Variants in MYBBP1A observed in about 807,000 individuals in gnomAD.
MYBBP1A encodes MYB binding protein 1a, also known as myb-binding protein 1A.
A neutral mutation model predicts 136.3 loss-of-function variants in MYBBP1A; 147 were observed. The observed-to-expected ratio is 1.08, with a 90% CI of 0.94 to 1.24. The LOEUF (loss-of-function observed/expected upper bound fraction) is 1.24, where lower values mean the gene tolerates loss of function less well. Ranked by LOEUF, MYBBP1A falls within the 50% of genes most tolerant of loss-of-function variation. The pLI is 0.00. For missense variants in MYBBP1A, 2,060 were observed against 1,727.4 expected, an observed-to-expected ratio of 1.19 and a Z score of -3.41; for synonymous variants, 947 against 735.8, an observed-to-expected ratio of 1.29 and a Z score of -4.65.
chr17:4,542,941 T>C lies in MYBBP1A; in HGVS notation c.2864A>G (p.Asp955Gly), dbSNP rs751656688. 3.7e-6 allele frequency: 6 copies of C among 1,613,644 alleles called. No individual in the cohort carries two copies. The highest frequency in any genetic ancestry group is 5.1e-6 in the Non-Finnish European group (6 of 1,179,952). ...ETQEKQKAGTDPSHMPTGPQA... is the reference protein window; with the variant it reads ...ETQEKQKAGTGPSHMPTGPQA... Reference sequence around the variant, plus strand: ...CGGGCCCGTGGGCATGTGGCTGGGGTCAGTGCCAGCTTTCTGCTTCTCCTG... The same window carrying C: ...CGGGCCCGTGGGCATGTGGCTGGGGCCAGTGCCAGCTTTCTGCTTCTCCTG... The change falls in exon 20 of 26, where the codon GAC (aspartate) becomes GGC (glycine). Residue 955 changes from aspartate (D) to glycine (G), a missense_variant. Physicochemically the swap from Asp to Gly is moderately conservative, Grantham distance 94 (BLOSUM62 -1). Transcript: ENST00000254718.
At chr17:4,549,293 C>A (rs778677039) in intron 10 of MYBBP1A, 39 bp downstream of exon 10, 1 of 1,588,264 alleles carries the variant, frequency 6.3e-7, no homozygotes, top group South Asian at 1.1e-5. Flanking sequence ...TCCTTGGCCA[C>A]ACGCCCATGG....
In MYBBP1A at chr17:4,550,150, C is replaced by T; in HGVS notation, c.1227G>A (p.Trp409Ter). ...CTGGCTGGAGAAACATGGCCCGCAG[C>T]CAGGCCACATAGCCCTGCAGGGCCG... ...SPPALQGYVA[W>*]LRAMFLQPDL... is the part of the protein sequence containing the mutation. The change falls in exon 9 of 26, where the codon TGG (tryptophan) becomes TGA (stop). Residue 409 changes from tryptophan (W) to a stop codon, truncating the protein, a stop_gained. Transcript: ENST00000254718. LOFTEE classifies it high-confidence loss of function. 6.2e-7 allele frequency: 1 copy of T among 1,613,970 alleles called. No individual in the cohort carries two copies. The highest frequency in any genetic ancestry group is 8.5e-7 in the Non-Finnish European group (1 of 1,180,036).
At chr17:4,551,769 G>A (rs1907525002) in intron 8 of MYBBP1A, 111 bp downstream of exon 8, 1 of 908,242 alleles carries the variant, frequency 1.1e-6, no homozygotes, top group Admixed American at 2.0e-5. Context: ...CAGACGGAGG[G>A]GACACCCATA....
intron 19 of MYBBP1A, among the ~76,000 whole-genome samples, chr17:4,543,951 C>CTGCGAGGG (rs1235774767): frequency 1.3e-5 from 2 of 152,184 alleles, no homozygotes; most frequent in Non-Finnish European, 2.9e-5. Context: ...GGGTCAGGGC[C>CTGCGAGGG]TGCGAGGGTG....
rs1184381625 is a variant in MYBBP1A, at chr17:4,549,837, G to C, written c.1319+221C>G. 3.4e-5 allele frequency among the ~76,000 whole-genome samples: 5 copies of C among 147,134 alleles called. No homozygotes were observed. The South Asian group carries it at 8.5e-4, about 25-fold the overall frequency. ...ACCAGCAAAAACAGGACATTCCTTT[G>C]CCTGATCTCAGAGACAACACTCCAA... On this transcript the variant is annotated intron_variant, in intron 9 of 25. Coordinates refer to ENST00000254718, the MANE Select transcript of MYBBP1A (RefSeq NM_014520.4).
At chr17:4,543,766 G>A (rs187376420) in intron 19 of MYBBP1A, among the ~76,000 whole-genome samples, 147 of 152,184 alleles carry the variant, frequency 9.7e-4, no homozygotes, top group African/African-American at 3.3e-3. Flanking sequence ...CCAGGTGCCT[G>A]CCTGTCTCTC....
intron 25 of MYBBP1A, among the ~76,000 whole-genome samples, 166 bp from the exon 26 acceptor site, chr17:4,540,133 T>TATGA (rs1216784994): frequency 1.2e-3 from 180 of 147,472 alleles, no homozygotes; most frequent in Admixed American, 2.1e-3. Flanking sequence ...GCGAGGCCCC[T>TATGA]GGGTCCTGCG....
chr17:4,543,530 G>A (rs1181137923), intron 19 of MYBBP1A, among the ~76,000 whole-genome samples: 3 of 152,182 alleles, frequency 2.0e-5, no homozygotes, highest in African/African-American at 7.2e-5. Context: ...AACCCTCTGT[G>A]GCCCTGCAGG....
chr17:4,549,943 G>T (rs570635900), intron 9 of MYBBP1A, 115 bp downstream of exon 9: 7 of 1,154,544 alleles, frequency 6.1e-6, no homozygotes, highest in Non-Finnish European at 1.2e-6. Context: ...CTTCCCCCTC[G>T]CTCCTCTCAT....
chr17:4,540,597 TCCTGGG>T, intron 24 of MYBBP1A, 113 bp from the exon 25 acceptor site: 1 of 1,275,652 alleles, frequency 7.8e-7, no homozygotes, highest in Non-Finnish European at 1.0e-6. Context: ...CCCTGCCCCT[TCCTGGG>T]CCTCAGCCTC....
chr17:4,549,430 A>G lies in MYBBP1A; in HGVS notation c.1332T>C (p.Ala444=). ...TGATCCATTTCCTCAGCCGGAACAC[A>G]GCTCGCTCAGGCCTAGCGGGGCAGG... ...QDSSLHMPER[A]VFRLRKWIIF... is the part of the protein sequence containing the mutation. The change falls in exon 10 of 26, where the codon GCT becomes GCC. Residue 444 remains alanine (A), a synonymous_variant. Coordinates refer to ENST00000254718, the MANE Select transcript of MYBBP1A (RefSeq NM_014520.4). 1 of 1,612,874 alleles carries G rather than the reference A, an allele frequency of 6.2e-7. No homozygotes were observed. Among genetic ancestry groups the G allele is most frequent in the Non-Finnish European group, 8.5e-7 (1 of 1,179,858 alleles).
Position 4,555,232 on chromosome 17 carries a change from G to A in MYBBP1A, c.93C>T (p.His31=). The change falls in exon 1 of 26, where the codon CAC becomes CAT. Residue 31 remains histidine (H), a synonymous_variant. Coordinates refer to ENST00000254718, the MANE Select transcript of MYBBP1A (RefSeq NM_014520.4). Reference sequence around the variant, plus strand: ...AGAAGAAGTCCAAGAACTCGCGACTGTGCTTCAATAGGCCATAGCGGTCGG... The same window carrying A: ...AGAAGAAGTCCAAGAACTCGCGACTATGCTTCAATAGGCCATAGCGGTCGG... ...RPADRYGLLK[H]SREFLDFFWD... 1 of 1,612,384 alleles carries A rather than the reference G, an allele frequency of 6.2e-7. No individual in the cohort carries two copies. Among genetic ancestry groups the A allele is most frequent in the Non-Finnish European group, 8.5e-7 (1 of 1,179,658 alleles).
At chr17:4,543,219 C>T (rs1194057878) in intron 19 of MYBBP1A, 54 bp from the exon 20 acceptor site, 50 of 1,530,290 alleles carry the variant, frequency 3.3e-5, no homozygotes, top group Middle Eastern at 1.7e-4. Flanking sequence ...CACCCTGCTC[C>T]GCCAAGCAGA....
In MYBBP1A at chr17:4,550,421, C is replaced by G. The variant is rs1597387614; in HGVS notation, c.1024-68G>C. ...GGCAGGCGGTTAACAACCCAACAGC[C>G]AAGGGGGCAGGCGGGCAACAGCCCA... On this transcript the variant is annotated intron_variant, in intron 8 of 25. Transcript: ENST00000254718. 5.2e-6 allele frequency: 8 copies of G among 1,534,094 alleles called. No homozygotes were observed. In the East Asian group the frequency reaches 1.6e-4, roughly 30 times the overall value.
Position 4,545,711 on chromosome 17 carries a change from G to C in MYBBP1A, c.1972C>G (p.Leu658Val). ...ATGAGGTGGCTGGGCTGGGCCAACAGGGCCAGCAAGATCTCCACCAGCACC... is the reference window on the plus strand; with the variant it reads ...ATGAGGTGGCTGGGCTGGGCCAACACGGCCAGCAAGATCTCCACCAGCACC... ...VEVLVEILLA[L>V]LAQPSHLMRQ... The change falls in exon 15 of 26, where the codon CTG becomes GTG. Residue 658 changes from leucine to valine, a missense_variant. Coordinates refer to ENST00000254718, the MANE Select transcript of MYBBP1A (RefSeq NM_014520.4). The C allele has an allele frequency of 6.2e-7, 1 of 1,610,148 alleles. No individual in the cohort carries two copies. The highest frequency in any genetic ancestry group is 8.5e-7 in the Non-Finnish European group (1 of 1,177,646).
intron 24 of MYBBP1A, among the ~76,000 whole-genome samples, chr17:4,540,762 C>T (rs1201169283): frequency 6.6e-6 from 1 of 152,140 alleles, no homozygotes; most frequent in African/African-American, 2.4e-5. Context: ...CACCCACCTC[C>T]AAGAGGGCCA....
intron 25 of MYBBP1A, 121 bp from the exon 26 acceptor site, chr17:4,540,088 C>T (rs1218586889): frequency 1.3e-5 from 17 of 1,282,164 alleles, no homozygotes; most frequent in East Asian, 2.3e-5. Flanking sequence ...TGTGAGGCCC[C>T]TATGAGGGTC....
rs1006720730 is a variant in MYBBP1A at position 4,539,092 on chromosome 17, G to A, written c.*323C>T. 138 of 1,493,342 alleles carry A rather than the reference G, an allele frequency of 9.2e-5. No individual in the cohort carries two copies. In the Admixed American group the frequency reaches 1.0e-3, roughly 11 times the overall value. 92.5% of individuals were successfully genotyped at this position (1,493,342 alleles called of 1,614,324 possible). A position where few individuals can be genotyped will look rare whatever the true frequency, so the allele number is the denominator to read the frequency against. On this transcript the variant is annotated 3_prime_UTR_variant, in exon 26 of 26. Transcript: ENST00000254718. ...CTGGGGGCAAAGAGGTGGCAGGCAC[G>A]AGAGATGGTCACACCTGCCTGCAGC... is the stretch of plus-strand genomic sequence containing the variant.
chr17:4,549,917 T>G lies in MYBBP1A; in HGVS notation c.1319+141A>C. On this transcript the variant is annotated intron_variant, in intron 9 of 25. Transcript: ENST00000254718. Reference sequence around the variant, plus strand: ...GACACACAAGTAAACTGAGGCCTCATATGAGAGCTAAGGCTCTTCCCCCTC... The same window carrying G: ...GACACACAAGTAAACTGAGGCCTCAGATGAGAGCTAAGGCTCTTCCCCCTC... The G allele has an allele frequency of 4.6e-6, 4 of 863,908 alleles. No homozygotes were observed. In the South Asian group the frequency reaches 5.3e-5, roughly 11 times the overall value. The allele number at this position is 863,908 out of a possible 1,614,324, so 53.5% of individuals were successfully genotyped here.
Sources: allele counts gnomAD v4.1 joint callset (sites outside exome capture counted in the v4.1 genomes callset), GRCh38; gene constraint gnomAD v4.1.1; transcripts MANE v1.5; gene names NCBI Gene and HGNC (gene_info 2026-07-23, HGNC 2026-07-21).